Variants in ME2 observed in about 807,000 individuals in gnomAD.
ME2 encodes malic enzyme 2.
In ME2, 60 loss-of-function variants were observed where a neutral mutation model predicts 73.7. That is an observed-to-expected ratio of 0.81 (90% CI 0.66 to 1.01). The LOEUF (loss-of-function observed/expected upper bound fraction) is 1.01, where lower values mean the gene tolerates loss of function less well. Ranked by LOEUF, ME2 falls within the 50% of genes least tolerant of loss-of-function variation. ME2 has a pLI of 0.00. For missense variants in ME2, 594 were observed against 705.5 expected (o/e 0.84, Z 1.79); for synonymous variants, 199 against 236.9 (o/e 0.84, Z 1.47).
chr18:50,887,025 A>G (rs1235317189), intron 1 of ME2, among the ~76,000 whole-genome samples: 1 of 152,112 alleles, frequency 6.6e-6, no homozygotes, highest in African/African-American at 2.4e-5. Context: ...ACCAAATCTG[A>G]TGGTGTAAGT....
rs1918150688 is a variant in ME2 at position 50,948,752 on chromosome 18, C to T, written c.*1568C>T. 6.6e-6 allele frequency: 1 copy of T among 151,628 alleles called. No individual in the cohort carries two copies. The highest frequency in any genetic ancestry group is 2.4e-5 in the African/African-American group (1 of 41,232). 9.4% of individuals were successfully genotyped at this position (151,628 alleles called of 1,614,324 possible). On this transcript the variant is annotated 3_prime_UTR_variant, in exon 16 of 16. Transcript: ENST00000321341. ...AGAGACGGGATTTCACCATGTTGGC[C>T]AGGAGGGTCTCGATTTCCTGACCTC...
In ME2 at chr18:50,912,768, G is replaced by A. The variant is rs775633037; in HGVS notation, c.243-33G>A. Reference sequence around the variant, plus strand: ...CAAGACTTTTAATGTAATGCAGGCTGACTTAGACATTATTTACTGTGCTTC... The same window carrying A: ...CAAGACTTTTAATGTAATGCAGGCTAACTTAGACATTATTTACTGTGCTTC... On this transcript the variant is annotated intron_variant, in intron 3 of 15. Coordinates refer to ENST00000321341, the MANE Select transcript of ME2 (RefSeq NM_002396.5). The A allele has an allele frequency of 1.3e-5, 19 of 1,485,624 alleles. No homozygotes were observed. In the South Asian group the frequency reaches 2.5e-4, roughly 20 times the overall value. 92.0% of individuals were successfully genotyped at this position (1,485,624 alleles called of 1,614,324 possible).
intron 1 of ME2, among the ~76,000 whole-genome samples, chr18:50,880,710 G>T (rs1162574807): frequency 6.6e-6 from 1 of 152,120 alleles, no homozygotes; most frequent in South Asian, 2.1e-4. Context: ...TAGCGACCGC[G>T]CCTAGCTCCT....
chr18:50,926,860 G>T (rs1194593678), intron 12 of ME2, among the ~76,000 whole-genome samples: 2 of 152,046 alleles, frequency 1.3e-5, no homozygotes, highest in Non-Finnish European at 2.9e-5. Flanking sequence ...TATTAATTTA[G>T]TAACAGACTT....
rs1159051873 is a variant in ME2 at position 50,951,285 on chromosome 18, A to G, written c.*4101A>G. The stretch of plus-strand genomic sequence containing the variant: ...TGAGTTGCCAATGAATTAAGATCAA[A>G]ACGTCATTATTAAGGAGTATGAAGC... On this transcript the variant is annotated 3_prime_UTR_variant, in exon 16 of 16. Transcript: ENST00000321341. 1 of 152,214 alleles carries G rather than the reference A, an allele frequency of 6.6e-6. No individual in the cohort carries two copies. Among genetic ancestry groups the G allele is most frequent in the Non-Finnish European group, 1.5e-5 (1 of 68,038 alleles). 9.4% of individuals were successfully genotyped at this position (152,214 alleles called of 1,614,324 possible). A position where few individuals can be genotyped will look rare whatever the true frequency, so the allele number is the denominator to read the frequency against.
At chr18:50,905,550 G>T (rs1400166476) in intron 2 of ME2, among the ~76,000 whole-genome samples, 1 of 152,172 alleles carries the variant, frequency 6.6e-6, no homozygotes, top group Non-Finnish European at 1.5e-5. Flanking sequence ...CCCAGGTTGT[G>T]GGGGCACAGC....
chr18:50,897,395 G>A (rs891609539), intron 2 of ME2, among the ~76,000 whole-genome samples: 1 of 152,152 alleles, frequency 6.6e-6, no homozygotes, highest in African/African-American at 2.4e-5. Flanking sequence ...GTTTGCAGAT[G>A]GAGCATAGTC....
chr18:50,889,067 T>C (rs181662670), intron 1 of ME2, among the ~76,000 whole-genome samples: 19 of 152,346 alleles, frequency 1.2e-4, no homozygotes, highest in Admixed American at 5.9e-4. Flanking sequence ...TAGATTGTTA[T>C]AAACTATATT....
chr18:50,939,440 G>C, intron 13 of ME2, 130 bp from the exon 14 acceptor site: 5 of 567,552 alleles, frequency 8.8e-6, no homozygotes, highest in Non-Finnish European at 1.6e-5. Context: ...GTTTCTTCTT[G>C]GCTGTTTTCT....
chr18:50,909,795 C>T (rs920340257), intron 3 of ME2, among the ~76,000 whole-genome samples: 3 of 152,018 alleles, frequency 2.0e-5, no homozygotes, highest in African/African-American at 4.8e-5. Flanking sequence ...AATGTTTCAT[C>T]GTAGTTAGGA....
intron 15 of ME2, among the ~76,000 whole-genome samples, chr18:50,945,849 C>G (rs1369314090): frequency 6.6e-6 from 1 of 152,046 alleles, no homozygotes; most frequent in African/African-American, 2.4e-5. Context: ...GGCGGATCAC[C>G]TGCGGTCAAG....
chr18:50,916,226 C>G lies in ME2; in HGVS notation c.451C>G (p.Pro151Ala). ...GHVRSIVDNW[P>A]ENHVKAVVVT... is the part of the protein sequence containing the mutation. The stretch of plus-strand genomic sequence containing the variant: ...TGTTAGATCAATTGTGGATAACTGG[C>G]CAGAAAATCATGTTAAGGTACTAAT... The change falls in exon 5 of 16, where the codon CCA becomes GCA. Residue 151 changes from proline (P) to alanine (A), a missense_variant. Pro to Ala is a conservative substitution (Grantham distance 27, BLOSUM62 -1). Coordinates refer to ENST00000321341, the MANE Select transcript of ME2 (RefSeq NM_002396.5). 7 of 1,611,660 alleles carry G rather than the reference C, an allele frequency of 4.3e-6. No homozygotes were observed. The highest frequency in any genetic ancestry group is 5.9e-6 in the Non-Finnish European group (7 of 1,178,448).
chr18:50,944,046 A>G (rs1918025608), intron 15 of ME2, among the ~76,000 whole-genome samples: 1 of 151,772 alleles, frequency 6.6e-6, no homozygotes, highest in South Asian at 2.1e-4. Context: ...GCAAGATCTC[A>G]TCTCTACCAA....
rs758856027 is a variant in ME2 at position 50,939,544 on chromosome 18, C to G, written c.1418-26C>G. The G allele has an allele frequency of 1.3e-5, 20 of 1,509,414 alleles. No individual in the cohort carries two copies. The South Asian group carries it at 2.3e-4, about 17-fold the overall frequency. 93.5% of individuals were successfully genotyped at this position (1,509,414 alleles called of 1,614,324 possible). On this transcript the variant is annotated intron_variant, in intron 13 of 15. Transcript: ENST00000321341. Reference sequence around the variant, plus strand: ...TTTCATAATTTGAAAAGTGACCATACTAGTAAACTTTAAAATGTGTTCTAG... The same window carrying G: ...TTTCATAATTTGAAAAGTGACCATAGTAGTAAACTTTAAAATGTGTTCTAG...
chr18:50,935,894 C>T (rs1917808417), intron 13 of ME2, among the ~76,000 whole-genome samples: 2 of 151,112 alleles, frequency 1.3e-5, no homozygotes, highest in South Asian at 4.2e-4. Flanking sequence ...AGGTAAGGGA[C>T]ATACATTTCA....
intron 3 of ME2, among the ~76,000 whole-genome samples, chr18:50,910,440 GAA>G (rs1207940247): frequency 6.2e-5 from 5 of 80,354 alleles, no homozygotes; most frequent in African/African-American, 8.7e-5. Flanking sequence ...CCCTGTCTCA[GAA>G]AAAAAAAAAA....
At chr18:50,919,200 C>G (rs72929786) in intron 7 of ME2, among the ~76,000 whole-genome samples, 1 of 152,278 alleles carries the variant, frequency 6.6e-6, no homozygotes, top group Non-Finnish European at 1.5e-5. Flanking sequence ...CTCTCCAGTT[C>G]GTCTCCACCT....
rs370949134 is a variant in ME2, at chr18:50,947,225, C to A, written c.*41C>A. ...AAATACTTTCTGTGCTCCAGGGAAC[C>A]CCTTTTTTCAGACAAGAAGAGATAA... On this transcript the variant is annotated 3_prime_UTR_variant, in exon 16 of 16. Coordinates refer to ENST00000321341, the MANE Select transcript of ME2 (RefSeq NM_002396.5). 28 of 1,579,908 alleles carry A rather than the reference C, an allele frequency of 1.8e-5. No homozygotes were observed. The African/African-American group carries it at 3.4e-4, about 19-fold the overall frequency.
Position 50,932,335 on chromosome 18 carries a change from A to T in ME2, c.1392A>T (p.Gln464His). The change falls in exon 13 of 16, where the codon CAA becomes CAT. Residue 464 changes from glutamine (Q) to histidine (H), a missense_variant. By Grantham distance (24) the Gln-to-His change is conservative. Coordinates refer to ENST00000321341, the MANE Select transcript of ME2 (RefSeq NM_002396.5). ...LTDGRVFTPG[Q>H]GNNVYIFPGV... ...ATGGGCGAGTCTTTACACCAGGTCAAGGAAACAATGTTTATATTTTTCCAG... is the reference window on the plus strand; with the variant it reads ...ATGGGCGAGTCTTTACACCAGGTCATGGAAACAATGTTTATATTTTTCCAG... 1 of 1,613,064 alleles carries T rather than the reference A, an allele frequency of 6.2e-7. No individual in the cohort carries two copies. The highest frequency in any genetic ancestry group is 8.5e-7 in the Non-Finnish European group (1 of 1,179,258).
Sources: allele counts gnomAD v4.1 joint callset (sites outside exome capture counted in the v4.1 genomes callset), GRCh38; gene constraint gnomAD v4.1.1; transcripts MANE v1.5; gene names NCBI Gene and HGNC (gene_info 2026-07-23, HGNC 2026-07-21).